Variants in ARHGAP9 observed in about 807,000 individuals in gnomAD.
ARHGAP9 encodes rho GTPase-activating protein 9.
In ARHGAP9, 76 loss-of-function variants were observed where a neutral mutation model predicts 87.3. The observed-to-expected ratio is 0.87, with a 90% CI of 0.72 to 1.05. The LOEUF is 1.05. Among genes scored for constraint, ARHGAP9 ranks in the 50% least tolerant of loss-of-function variants. The pLI, the probability that ARHGAP9 is intolerant of heterozygous loss-of-function variation, is 0.00. For missense variants in ARHGAP9, 941 were observed against 960.5 expected, an observed-to-expected ratio of 0.98 and a Z score of 0.27; for synonymous variants, 382 against 394.9, an observed-to-expected ratio of 0.97 and a Z score of 0.39.
chr12:57,475,696 G>C (rs1013248803), intron 10 of ARHGAP9, 81 bp from the exon 11 acceptor site: 87 of 1,559,312 alleles, frequency 5.6e-5, no homozygotes, highest in Non-Finnish European at 7.2e-5. Context: ...CACTGCCGGG[G>C]TCCCACATCC....
In ARHGAP9 at chr12:57,476,380, G is replaced by A; in HGVS notation, c.1100C>T (p.Ala367Val). The change falls in exon 8 of 18, where the codon GCG (alanine) becomes GTG (valine). Residue 367 changes from alanine (A) to valine (V), a missense_variant. Ala to Val is a moderately conservative substitution (Grantham distance 64). Transcript: ENST00000393791. Reference protein sequence around the residue: ...LVFYREPPPTAPSSGWGPAGS... With the variant: ...LVFYREPPPTVPSSGWGPAGS... ...CACACTCACCCAGCCTGAGGAGGGC[G>A]CTGTCGGCGGTGGCTCTCGGTAGAA... is the stretch of plus-strand genomic sequence containing the variant. 1 of 1,613,950 alleles carries A rather than the reference G, an allele frequency of 6.2e-7. No individual in the cohort carries two copies. Among genetic ancestry groups the A allele is most frequent in the Non-Finnish European group, 8.5e-7 (1 of 1,179,990 alleles).
upstream of ARHGAP9, among the ~76,000 whole-genome samples, chr12:57,482,755 C>T (rs746602355): frequency 7.9e-5 from 12 of 151,738 alleles, no homozygotes; most frequent in Non-Finnish European, 1.6e-4. Flanking sequence ...TGTTTACTAC[C>T]ATATATGCCG....
At chr12:57,478,411 C>T (rs1217512934) in intron 3 of ARHGAP9, 129 bp downstream of exon 3, 2 of 942,536 alleles carry the variant, frequency 2.1e-6, no homozygotes, top group South Asian at 1.6e-5. Context: ...TTAGACTTAT[C>T]AGTAGTACCA....
At chr12:57,480,478 G>A (rs558012283), upstream of ARHGAP9, among the ~76,000 whole-genome samples, 4 of 152,198 alleles carry the variant, frequency 2.6e-5, no homozygotes, top group Non-Finnish European at 5.9e-5. Flanking sequence ...CACTGCGCCC[G>A]GCCTCATTTA....
rs971095672 is a variant in ARHGAP9 at position 57,488,259 on chromosome 12, T to A, written c.-204+353A>T. 2.7e-6 allele frequency: 4 copies of A among 1,498,136 alleles called. No individual in the cohort carries two copies. In the African/African-American group the frequency reaches 4.1e-5, roughly 15 times the overall value. 92.8% of individuals were successfully genotyped at this position (1,498,136 alleles called of 1,614,324 possible). ...GGGGCGGGACCGAAACACGCCAGAT[T>A]CTCTGCAGCTGTCTTTGCCAAACCC... On this transcript the variant is annotated intron_variant, in intron 1 of 20. Coordinates refer to the ARHGAP9 transcript ENST00000393797.
At chr12:57,478,979 G>A (rs1874643044) in intron 2 of ARHGAP9, 112 bp downstream of exon 2, 5 of 1,361,510 alleles carry the variant, frequency 3.7e-6, no homozygotes, top group African/African-American at 2.9e-5. Context: ...AAGAGAAGAT[G>A]GTTAGCAGAA....
exon 1 of ARHGAP9, chr12:57,488,671 C>G: frequency 6.5e-7 from 1 of 1,547,934 alleles, no homozygotes; most frequent in Non-Finnish European, 8.7e-7. Flanking sequence ...TGTAAGTCTT[C>G]TCAGTTCTTT....
intron 3 of ARHGAP9, chr12:57,477,897 G>A: frequency 7.4e-7 from 1 of 1,347,644 alleles, no homozygotes; most frequent in Non-Finnish European, 9.6e-7. Flanking sequence ...CTCACTTCCT[G>A]TTGCCAACTT....
Position 57,473,679 on chromosome 12 carries a change from G to T in ARHGAP9, c.1948C>A (p.Gln650Lys). ...ALSESEQCLS[Q>K]IQELIGSMPK... The stretch of plus-strand genomic sequence containing the variant: ...ATTGAGCCTATTAATTCTTGTATCT[G>T]AGAGAGGCACTGCTCTGATTCGGAG... The change falls in exon 17 of 18, where the codon CAG becomes AAG. Residue 650 changes from glutamine to lysine, a missense_variant. By Grantham distance (53) the Gln-to-Lys change is moderately conservative. Coordinates refer to ENST00000393791, the MANE Select transcript of ARHGAP9 (RefSeq NM_032496.4). The T allele has an allele frequency of 6.2e-7, 1 of 1,614,106 alleles. No individual in the cohort carries two copies. The highest frequency in any genetic ancestry group is 1.1e-5 in the South Asian group (1 of 91,082).
rs779778080 is a variant in ARHGAP9, at chr12:57,476,424, T to C, written c.1056A>G (p.Leu352=). The C allele has an allele frequency of 4.3e-6, 7 of 1,614,030 alleles. No individual in the cohort carries two copies. The highest frequency in any genetic ancestry group is 4.2e-6 in the Non-Finnish European group (5 of 1,179,990). The change falls in exon 8 of 18, where the codon TTA becomes TTG. Residue 352 remains leucine (L), a synonymous_variant. Transcript: ENST00000393791. The part of the protein sequence containing the change: ...RKNWGPSWVV[L]TGNSLVFYRE... ...GGTAGAACACCAGGCTGTTACCCGT[T>C]AACACCACCCAAGACGGGCCCCAGT...
Position 57,477,502 on chromosome 12 carries a change from C to T in ARHGAP9, c.713G>A (p.Gly238Asp). 6.2e-7 allele frequency: 1 copy of T among 1,614,116 alleles called. No homozygotes were observed. The highest frequency in any genetic ancestry group is 8.5e-7 in the Non-Finnish European group (1 of 1,180,012). ...GCGCGGGGGCTTCCAGGACTTGCAGCCAGTCAGTGAATTTATGTAGAAGCA... is the reference window on the plus strand; with the variant it reads ...GCGCGGGGGCTTCCAGGACTTGCAGTCAGTCAGTGAATTTATGTAGAAGCA... ...GRCFYINSLT[G>D]CKSWKPPRRS... The change falls in exon 4 of 18, where the codon GGC becomes GAC. Residue 238 changes from glycine to aspartate, a missense_variant. Transcript: ENST00000393791.
At chr12:57,476,707 C>T (rs977915961) in intron 6 of ARHGAP9, 56 bp from the exon 7 acceptor site, 14 of 1,607,946 alleles carry the variant, frequency 8.7e-6, no homozygotes, top group African/African-American at 1.3e-5. Flanking sequence ...ATAGTGGCCA[C>T]GGCTTTCCCT....
chr12:57,477,822 G>T (rs1874357217), intron 3 of ARHGAP9, 142 bp from the exon 4 acceptor site: 1 of 1,503,682 alleles, frequency 6.7e-7, no homozygotes, highest in Non-Finnish European at 8.9e-7. Context: ...GGTACTGGGG[G>T]AGAAACCTCA....
At chr12:57,480,536 T>C (rs1802305142), upstream of ARHGAP9, among the ~76,000 whole-genome samples, 1 of 152,116 alleles carries the variant, frequency 6.6e-6, no homozygotes. Flanking sequence ...CAAGGAGCAG[T>C]GTCAGGCACT....
At position 57,477,249 on chromosome 12, in the gene ARHGAP9, C is replaced by G. The variant is rs1489601468; in HGVS notation, c.777G>C (p.Gly259=). The part of the protein sequence containing the change: ...RSETNPGSME[G]TQTLKRNNDV... ...CATTGTTCCTCTTCAGGGTCTGTGT[C>G]CCCTCCATGGAGCCAGGGTTCTGGG... Residue 259 remains glycine (G), a synonymous_variant, in exon 5 of 18, where the codon GGG becomes GGC. Coordinates refer to ENST00000393791, the MANE Select transcript of ARHGAP9 (RefSeq NM_032496.4). 1 of 1,578,794 alleles carries G rather than the reference C, an allele frequency of 6.3e-7. No homozygotes were observed. Among genetic ancestry groups the G allele is most frequent in the Non-Finnish European group, 8.6e-7 (1 of 1,162,634 alleles).
At position 57,474,976 on chromosome 12, in the gene ARHGAP9, G is replaced by A; in HGVS notation, c.1553-3C>T. 1.9e-6 allele frequency: 3 copies of A among 1,613,614 alleles called. No individual in the cohort carries two copies. Among genetic ancestry groups the A allele is most frequent in the Non-Finnish European group, 2.5e-6 (3 of 1,179,928 alleles). On this transcript the variant is annotated splice_region_variant and splice_polypyrimidine_tract_variant and intron_variant, in intron 12 of 17. Coordinates refer to ENST00000393791, the MANE Select transcript of ARHGAP9 (RefSeq NM_032496.4). Reference sequence around the variant, plus strand: ...CAACTGGCAGCCGAACACCTGGTCTGGGGAAGTAGAGTGAGGCGGGAAGCC... The same window carrying A: ...CAACTGGCAGCCGAACACCTGGTCTAGGGAAGTAGAGTGAGGCGGGAAGCC...
At chr12:57,477,724 G>A (rs1175755641) in intron 3 of ARHGAP9, 44 bp from the exon 4 acceptor site, 3 of 1,602,384 alleles carry the variant, frequency 1.9e-6, no homozygotes, top group African/African-American at 1.3e-5. Context: ...TCTGCCTGTT[G>A]CCCTTCCCAT....
chr12:57,476,349 C>A lies in ARHGAP9; in HGVS notation c.1116+15G>T. 6.2e-7 allele frequency: 1 copy of A among 1,612,858 alleles called. No individual in the cohort carries two copies. Among genetic ancestry groups the A allele is most frequent in the South Asian group, 1.1e-5 (1 of 91,024 alleles). On this transcript the variant is annotated intron_variant, in intron 8 of 17. Coordinates refer to ENST00000393791, the MANE Select transcript of ARHGAP9 (RefSeq NM_032496.4). The stretch of plus-strand genomic sequence containing the variant: ...CAGCGCCCGCACCCATCCTGCGCCT[C>A]TCGCTCACACTCACCCAGCCTGAGG...
At chr12:57,475,208 A>T in intron 12 of ARHGAP9, 83 bp downstream of exon 12, 2 of 1,377,662 alleles carry the variant, frequency 1.5e-6, no homozygotes, top group Non-Finnish European at 2.0e-6. Flanking sequence ...GCAGTCACAG[A>T]AGGTTGTGGT....
Sources: gnomAD v4.1 joint callset for allele counts (sites outside exome capture counted in the v4.1 genomes callset) on GRCh38, gnomAD v4.1.1 for gene constraint, MANE v1.5 for transcripts, NCBI Gene and HGNC (gene_info 2026-07-23, HGNC 2026-07-21) for gene names.